RBM5: variants seen among roughly 807,000 people sequenced by gnomAD.
The protein encoded by RBM5 is RNA-binding protein 5.
A neutral mutation model predicts 124.6 loss-of-function variants in RBM5; 15 were observed. That is an observed-to-expected ratio of 0.12 (90% CI 0.08 to 0.19). The LOEUF is 0.19. RBM5 is among the 10% of genes least tolerant of loss of function. The pLI is 1.00. For missense variants in RBM5, 580 were observed against 1,026.5 expected (o/e 0.57, Z 5.94); for synonymous variants, 337 against 361.2 (o/e 0.93, Z 0.76).
intron 6 of RBM5, chr3:50,102,646 T>TAAGG (rs2090962571): frequency 6.0e-6 from 1 of 166,220 alleles, no homozygotes; most frequent in African/African-American, 2.4e-5. Flanking sequence ...TTACTTTGCA[T>TAAGG]AAGGATGGGG....
chr3:50,105,855 G>T, intron 10 of RBM5, 146 bp downstream of exon 10: 2 of 826,222 alleles, frequency 2.4e-6, no homozygotes, highest in Admixed American at 2.9e-5. Context: ...TAAATTACAG[G>T]ACTGATGACT....
chr3:50,104,963 G>GA (rs869100988), intron 8 of RBM5, 114 bp from the exon 9 acceptor site: 23 of 833,328 alleles, frequency 2.8e-5, no homozygotes, highest in South Asian at 5.7e-5. Context: ...GCTTAAAAAA[G>GA]AAAAAAACGA....
Position 50,106,847 on chromosome 3 carries a change from T to C in RBM5, c.936T>C (p.Phe312=), listed in dbSNP as rs770262214. The part of the protein sequence containing the change: ...KIDGKTIGVD[F]AKSARKDLVL... ...ATGGCAAAACTATTGGGGTTGATTT[T>C]GCAAAAAGTGCCAGAAAGTGAGTGG... is the stretch of plus-strand genomic sequence containing the variant. Residue 312 remains phenylalanine, a synonymous_variant, in exon 11 of 25, where the codon TTT becomes TTC. Transcript: ENST00000347869. 57 of 1,605,898 alleles carry C rather than the reference T, an allele frequency of 3.5e-5. No homozygotes were observed. In the South Asian group the frequency reaches 6.3e-4, roughly 18 times the overall value.
At chr3:50,105,298 C>T (rs1056995779) in intron 9 of RBM5, among the ~76,000 whole-genome samples, 156 bp downstream of exon 9, 11 of 151,290 alleles carry the variant, frequency 7.3e-5, no homozygotes. Flanking sequence ...ATCCCAGCTA[C>T]TCCGTCTCAA....
intron 22 of RBM5, chr3:50,116,668 T>G (rs2091258265): frequency 3.9e-6 from 1 of 258,588 alleles, no homozygotes; most frequent in Non-Finnish European, 7.6e-6. Context: ...GCTGAACAGG[T>G]CTCTGGAAGC....
intron 16 of RBM5, 47 bp downstream of exon 16, chr3:50,110,510 G>C (rs754833979): frequency 1.3e-6 from 2 of 1,563,402 alleles, no homozygotes; most frequent in Admixed American, 3.4e-5. Flanking sequence ...GGTCTTAGTT[G>C]TTGTCTTTGT....
chr3:50,108,334 T>C, intron 14 of RBM5, 30 bp downstream of exon 14: 1 of 1,550,300 alleles, frequency 6.5e-7, no homozygotes, highest in South Asian at 1.1e-5. Flanking sequence ...TTTTACCTTT[T>C]GTTTAAGCAC....
intron 7 of RBM5, among the ~76,000 whole-genome samples, 196 bp from the exon 8 acceptor site, chr3:50,104,052 A>G (rs779976824): frequency 1.3e-5 from 2 of 152,166 alleles, no homozygotes; most frequent in Non-Finnish European, 2.9e-5. Flanking sequence ...TCAACATACA[A>G]CAAACTTTGT....
At chr3:50,097,633 A>G (rs2090846705) in intron 4 of RBM5, among the ~76,000 whole-genome samples, 1 of 151,948 alleles carries the variant, frequency 6.6e-6, no homozygotes, top group South Asian at 2.1e-4. Context: ...AGAGACTAGT[A>G]TATTTTTGTG....
At chr3:50,104,811 C>A in intron 8 of RBM5, 1 of 391,782 alleles carries the variant, frequency 2.6e-6, no homozygotes. Flanking sequence ...CTTTTGTTTT[C>A]TAGAATTAAG....
At chr3:50,106,118 ATTTTTTTTTTTTTTTTTTTTTT>A (rs61297967) in intron 10 of RBM5, among the ~76,000 whole-genome samples, 8 of 32,704 alleles carry the variant, frequency 2.4e-4, no homozygotes, top group African/African-American at 7.6e-4. Context: ...ACGCCCAGCT[ATTTTTTTTTTTTTTTTTTTTTT>A]TTTTTTTTTT....
chr3:50,102,970 G>A (rs1170227507), intron 6 of RBM5, 113 bp from the exon 7 acceptor site: 13 of 823,822 alleles, frequency 1.6e-5, no homozygotes, highest in East Asian at 1.5e-4. Context: ...GGTCCTCCCC[G>A]TATGTTGTCC....
chr3:50,091,989 T>C (rs1462568110), intron 2 of RBM5, 54 bp from the exon 3 acceptor site: 26 of 1,572,268 alleles, frequency 1.7e-5, no homozygotes, highest in Non-Finnish European at 2.2e-5. Flanking sequence ...AACTATGTCT[T>C]TTAAAGGTAC....
chr3:50,109,925 C>T (rs1040125605), intron 15 of RBM5: 6 of 386,938 alleles, frequency 1.6e-5, no homozygotes, highest in Non-Finnish European at 2.8e-5. Flanking sequence ...AGAAAGTTGT[C>T]GCCGGGGCCG....
Position 50,106,166 on chromosome 3 carries a change from G to C in RBM5, c.855+457G>C, listed in dbSNP as rs375628684. Among the ~76,000 whole-genome samples, 14 of 98,136 alleles carry C rather than the reference G, an allele frequency of 1.4e-4. No homozygotes were observed. The East Asian group carries it at 3.3e-3, about 23-fold the overall frequency. The allele number at this position is 98,136 out of a possible 152,430, so 64.4% of individuals were successfully genotyped here. On this transcript the variant is annotated intron_variant, in intron 10 of 24. Transcript: ENST00000347869. ...TTTTTTTTTTTTGAGAGGGAGTCTCGTTCTGTCGCCCAGGCTGGATGGAGT... is the reference window on the plus strand; with the variant it reads ...TTTTTTTTTTTTGAGAGGGAGTCTCCTTCTGTCGCCCAGGCTGGATGGAGT...
chr3:50,107,667 CTTTTCTT>C, intron 12 of RBM5, 98 bp downstream of exon 12: 7 of 135,132 alleles, frequency 5.2e-5, no homozygotes, highest in South Asian at 1.4e-4. Flanking sequence ...GAGCTCTTTT[CTTTTCTT>C]TTTTTTTTTT....
chr3:50,111,863 C>CT (rs2091150402), intron 17 of RBM5, among the ~76,000 whole-genome samples: 1 of 152,058 alleles, frequency 6.6e-6, no homozygotes, highest in African/African-American at 2.4e-5. Flanking sequence ...ATAAATAACT[C>CT]TATTTATGAC....
chr3:50,105,510 G>T lies in RBM5; in HGVS notation c.695-39G>T, dbSNP rs757546117. The T allele has an allele frequency of 8.8e-6, 14 of 1,593,652 alleles. No individual in the cohort carries two copies. In the South Asian group the frequency reaches 1.5e-4, roughly 17 times the overall value. On this transcript the variant is annotated intron_variant, in intron 9 of 24. Coordinates refer to ENST00000347869, the MANE Select transcript of RBM5 (RefSeq NM_005778.4). ...GGAAAACTTTGGTACATTGGTGGTG[G>T]GAATGCATGTGTATGTCATTTGTCT...
At chr3:50,102,305 T>A (rs567820137) in intron 6 of RBM5, 2 of 152,154 alleles carry the variant, frequency 1.3e-5, no homozygotes, top group Non-Finnish European at 2.9e-5. Flanking sequence ...TGTAGTCACA[T>A]GGTTGACTTG....
Sources: allele counts gnomAD v4.1 joint callset (sites outside exome capture counted in the v4.1 genomes callset), GRCh38; gene constraint gnomAD v4.1.1; transcripts MANE v1.5; gene names NCBI Gene and HGNC (gene_info 2026-07-23, HGNC 2026-07-21).